Variants in HAPLN1 observed in about 807,000 individuals in gnomAD.
HAPLN1 encodes the protein Cartilage link protein.
A neutral mutation model predicts 36.5 loss-of-function variants in HAPLN1; 13 were observed. That is an observed-to-expected ratio of 0.36 (90% CI 0.23 to 0.57). The LOEUF (loss-of-function observed/expected upper bound fraction) is 0.57. HAPLN1 is among the 20% of genes least tolerant of loss of function. HAPLN1 has a pLI of 0.83. For missense variants in HAPLN1, 407 were observed against 439.7 expected, an observed-to-expected ratio of 0.93 and a Z score of 0.66; for synonymous variants, 202 against 169.8, an observed-to-expected ratio of 1.19 and a Z score of -1.48.
chr5:83,701,474 A>C (rs1751504369), intron 1 of HAPLN1, among the ~76,000 whole-genome samples: 1 of 152,216 alleles, frequency 6.6e-6, no homozygotes, highest in African/African-American at 2.4e-5. Flanking sequence ...AGGGGATTTG[A>C]GAGTAGGTGG....
chr5:83,653,390 G>A (rs1750129925), intron 2 of HAPLN1, among the ~76,000 whole-genome samples: 1 of 152,150 alleles, frequency 6.6e-6, no homozygotes, highest in Non-Finnish European at 1.5e-5. Context: ...ATATACACCT[G>A]TGTTAGGCTC....
chr5:83,691,371 T>C (rs910826173), intron 1 of HAPLN1, among the ~76,000 whole-genome samples: 2 of 152,008 alleles, frequency 1.3e-5, no homozygotes, highest in African/African-American at 4.8e-5. Flanking sequence ...GAGAAATCTA[T>C]CCAAGTCTAA....
At chr5:83,654,459 T>G (rs1400877551) in intron 2 of HAPLN1, among the ~76,000 whole-genome samples, 1 of 152,208 alleles carries the variant, frequency 6.6e-6, no homozygotes, top group East Asian at 1.9e-4. Context: ...TTCCTTACAA[T>G]GTCCACAATG....
At chr5:83,705,387 C>CAAAAAAAAAAAA (rs762927081) in intron 1 of HAPLN1, among the ~76,000 whole-genome samples, 9 of 85,422 alleles carry the variant, frequency 1.1e-4, no homozygotes, top group African/African-American at 1.9e-4. Flanking sequence ...TGAAACGTCA[C>CAAAAAAAAAAAA]AAAAAAAAAA....
At chr5:83,718,516 A>T (rs1324220315) in intron 1 of HAPLN1, among the ~76,000 whole-genome samples, 4 of 152,308 alleles carry the variant, frequency 2.6e-5, no homozygotes, top group Non-Finnish European at 5.9e-5. Flanking sequence ...ATAATTGTTT[A>T]ACCAGCTGTT....
chr5:83,641,707 T>C lies in HAPLN1; in HGVS notation c.854A>G (p.Gln285Arg). Residue 285 changes from glutamine to arginine, a missense_variant, in exon 5 of 5, where the codon CAG becomes CGG. Transcript: ENST00000274341. ...AVQACLNDGA[Q>R]IAKVGQIFAA... ...AAATATCTGGCCCACTTTTGCAATC[T>C]GAGCACCATCATTGAGACAAGCTTG... is the stretch of plus-strand genomic sequence containing the variant. The C allele has an allele frequency of 1.2e-6, 2 of 1,614,178 alleles. No homozygotes were observed. Among genetic ancestry groups the C allele is most frequent in the East Asian group, 2.2e-5 (1 of 44,886 alleles).
Position 83,639,462 on chromosome 5 carries a change from G to T in HAPLN1, c.*2034C>A, listed in dbSNP as rs1749617568. 6.6e-6 allele frequency: 1 copy of T among 151,954 alleles called. No homozygotes were observed. Among genetic ancestry groups the T allele is most frequent in the African/African-American group, 2.4e-5 (1 of 41,420 alleles). 9.4% of individuals were successfully genotyped at this position (151,954 alleles called of 1,614,324 possible). On this transcript the variant is annotated 3_prime_UTR_variant, in exon 5 of 5. Transcript: ENST00000274341. Reference sequence around the variant, plus strand: ...GGACATAACTGAAAATTAGATGTTTGCTTCAATAGAAATTTGTTCCCACTT... The same window carrying T: ...GGACATAACTGAAAATTAGATGTTTTCTTCAATAGAAATTTGTTCCCACTT...
intron 2 of HAPLN1, among the ~76,000 whole-genome samples, chr5:83,663,934 C>T: frequency 6.6e-6 from 1 of 151,856 alleles, no homozygotes; most frequent in Admixed American, 6.6e-5. Context: ...TTACTCTTGG[C>T]CCACCGTAAT....
At chr5:83,653,776 T>C (rs1215538571) in intron 2 of HAPLN1, among the ~76,000 whole-genome samples, 1 of 152,266 alleles carries the variant, frequency 6.6e-6, no homozygotes, top group Admixed American at 6.5e-5. Context: ...TGCCGTTTTC[T>C]ACATACCAGC....
At chr5:83,718,438 A>T (rs1751960317) in intron 1 of HAPLN1, among the ~76,000 whole-genome samples, 2 of 152,176 alleles carry the variant, frequency 1.3e-5, no homozygotes, top group African/African-American at 4.8e-5. Flanking sequence ...ACCACCACAG[A>T]CCCTCCCATT....
At chr5:83,700,955 A>G (rs1054387302) in intron 1 of HAPLN1, among the ~76,000 whole-genome samples, 1 of 152,230 alleles carries the variant, frequency 6.6e-6, no homozygotes, top group Non-Finnish European at 1.5e-5. Context: ...GTTTAATAAA[A>G]GGAGACCTTC....
intron 2 of HAPLN1, among the ~76,000 whole-genome samples, chr5:83,663,657 C>T (rs749150022): frequency 9.2e-5 from 14 of 152,158 alleles, no homozygotes; most frequent in Non-Finnish European, 2.1e-4. Context: ...CAAATCTGTT[C>T]TCCCAGTCTT....
At chr5:83,716,791 G>T (rs1477294732) in intron 1 of HAPLN1, among the ~76,000 whole-genome samples, 1 of 152,158 alleles carries the variant, frequency 6.6e-6, no homozygotes, top group Non-Finnish European at 1.5e-5. Flanking sequence ...CAGTACTTTG[G>T]GAGGCCGAGG....
At chr5:83,677,237 G>C (rs187746778) in intron 1 of HAPLN1, among the ~76,000 whole-genome samples, 73 of 152,284 alleles carry the variant, frequency 4.8e-4, no homozygotes, top group African/African-American at 1.8e-3. Context: ...TACAGCTCTA[G>C]AAGTGGAGTC....
chr5:83,699,998 A>C (rs1288461834), intron 1 of HAPLN1, among the ~76,000 whole-genome samples: 1 of 152,140 alleles, frequency 6.6e-6, no homozygotes, highest in Non-Finnish European at 1.5e-5. Flanking sequence ...GATGGAGACC[A>C]TCCTGGCCAA....
chr5:83,702,891 T>C (rs1751543534), intron 1 of HAPLN1, among the ~76,000 whole-genome samples: 1 of 152,138 alleles, frequency 6.6e-6, no homozygotes, highest in African/African-American at 2.4e-5. Flanking sequence ...TTTGCATTTT[T>C]AGTAGAGATG....
intron 1 of HAPLN1, 72 bp from the exon 2 acceptor site, chr5:83,673,621 T>C: frequency 1.2e-6 from 1 of 809,580 alleles, no homozygotes; most frequent in South Asian, 1.5e-5. Flanking sequence ...GCACAACTTA[T>C]TACCGCCTTA....
chr5:83,694,021 C>G (rs1032532873), intron 1 of HAPLN1, among the ~76,000 whole-genome samples: 2 of 151,884 alleles, frequency 1.3e-5, no homozygotes, highest in African/African-American at 4.8e-5. Flanking sequence ...ATACCAACCA[C>G]TTACCAAGAT....
At chr5:83,705,244 G>A (rs184425959) in intron 1 of HAPLN1, among the ~76,000 whole-genome samples, 1 of 151,982 alleles carries the variant, frequency 6.6e-6, no homozygotes, top group South Asian at 2.1e-4. Context: ...ACAAAAATTA[G>A]CTGGGCATGG....
Sources: gnomAD v4.1 joint callset for allele counts (sites outside exome capture counted in the v4.1 genomes callset) on GRCh38, gnomAD v4.1.1 for gene constraint, MANE v1.5 for transcripts, NCBI Gene and HGNC (gene_info 2026-07-23, HGNC 2026-07-21) for gene names.